SLC37A1: variants seen among roughly 807,000 people sequenced by gnomAD.
SLC37A1 encodes solute carrier family 37 member 1.
A neutral mutation model predicts 75.3 loss-of-function variants in SLC37A1; 49 were observed. The observed-to-expected ratio is 0.65, with a 90% CI of 0.52 to 0.83. The LOEUF (loss-of-function observed/expected upper bound fraction) is 0.83, where lower values mean the gene tolerates loss of function less well. Among genes scored for constraint, SLC37A1 ranks in the 40% least tolerant of loss-of-function variants. The pLI, the probability that SLC37A1 is intolerant of heterozygous loss-of-function variation, is 0.00. For missense variants in SLC37A1, 566 were observed against 695.0 expected (o/e 0.81, Z 2.09); for synonymous variants, 268 against 292.1 (o/e 0.92, Z 0.84).
At chr21:42,520,646 C>T (rs764463272) in intron 2 of SLC37A1, among the ~76,000 whole-genome samples, 2 of 151,454 alleles carry the variant, frequency 1.3e-5, no homozygotes, top group Admixed American at 6.6e-5. Flanking sequence ...TGTGTGTGTG[C>T]GTGTGTGTGG....
chr21:42,578,858 T>G (rs2056360071), intron 18 of SLC37A1, among the ~76,000 whole-genome samples: 1 of 152,140 alleles, frequency 6.6e-6, no homozygotes, highest in African/African-American at 2.4e-5. Context: ...GGCTTGGTGG[T>G]GGGGCCATGT....
chr21:42,560,924 C>T (rs1423338997), intron 11 of SLC37A1, among the ~76,000 whole-genome samples: 1 of 152,182 alleles, frequency 6.6e-6, no homozygotes, highest in Non-Finnish European at 1.5e-5. Flanking sequence ...CCTCCCCCTG[C>T]CACCGCCAGG....
chr21:42,559,105 CAGG>C lies in SLC37A1; in HGVS notation c.981+22_981+24del. 1 of 1,604,290 alleles carries C rather than the reference CAGG, an allele frequency of 6.2e-7. No homozygotes were observed. The highest frequency in any genetic ancestry group is 2.2e-5 in the East Asian group (1 of 44,688). ...GAAAATTCCAGTAAGTAAACGTGCCCAGGAGGAGTTTCAGAAAGGGCTGCTGTG... is the reference window on the plus strand; with the variant it reads ...GAAAATTCCAGTAAGTAAACGTGCCCAGGAGTTTCAGAAAGGGCTGCTGTG... On this transcript the variant is annotated intron_variant, in intron 11 of 19. Transcript: ENST00000352133.
At chr21:42,532,393 C>T (rs1210026005) in intron 3 of SLC37A1, among the ~76,000 whole-genome samples, 1 of 152,242 alleles carries the variant, frequency 6.6e-6, no homozygotes, top group East Asian at 1.9e-4. Context: ...TTCAGCTTCT[C>T]CCTGCACATG....
chr21:42,544,501 C>T (rs2055359105), intron 8 of SLC37A1, among the ~76,000 whole-genome samples: 1 of 152,204 alleles, frequency 6.6e-6, no homozygotes, highest in Non-Finnish European at 1.5e-5. Flanking sequence ...AGACTCTCAC[C>T]CCATGCTTCT....
In SLC37A1 at chr21:42,530,654, A is replaced by ACACCC. The variant is rs1161313598; in HGVS notation, c.139-4043_139-4042insACCCC. On this transcript the variant is annotated intron_variant, in intron 3 of 19. Coordinates refer to ENST00000352133, the MANE Select transcript of SLC37A1 (RefSeq NM_001320537.2). ...CACACACACACACACACACACACAC[A>ACACCC]CCCCCTCTGTGTTGGCTGAAGGTGG... Among the ~76,000 whole-genome samples, 78 of 35,890 alleles carry ACACCC rather than the reference A, an allele frequency of 2.2e-3. 2 individuals carry two copies. Among genetic ancestry groups the ACACCC allele is most frequent in the Middle Eastern group, 9.6e-3 (1 of 104 alleles). 23.5% of individuals were successfully genotyped at this position (35,890 alleles called of 152,430 possible).
At position 42,518,287 on chromosome 21, in the gene SLC37A1, C is replaced by A; in HGVS notation, c.-168C>A. 2.8e-6 allele frequency: 2 copies of A among 726,340 alleles called. No homozygotes were observed. The highest frequency in any genetic ancestry group is 4.7e-6 in the Non-Finnish European group (2 of 423,130). The allele number at this position is 726,340 out of a possible 1,614,324, so 45.0% of individuals were successfully genotyped here. On this transcript the variant is annotated 5_prime_UTR_variant, in exon 2 of 20. Transcript: ENST00000352133. ...TCCTCCTCCTTGTAGAGAGCAGAGC[C>A]ACTGCCAGAAGGAAGGGGACAAGAC...
chr21:42,559,178 A>G, intron 11 of SLC37A1, 89 bp downstream of exon 11: 2 of 1,500,196 alleles, frequency 1.3e-6, no homozygotes, highest in Non-Finnish European at 1.8e-6. Context: ...GCTTAAAAAG[A>G]CATCTGTGGT....
At chr21:42,565,940 A>G (rs2147002522) in intron 15 of SLC37A1, 65 bp downstream of exon 15, 2 of 1,509,614 alleles carry the variant, frequency 1.3e-6, no homozygotes, top group Middle Eastern at 1.7e-4. Context: ...AGCTGGCAAG[A>G]TGAAATACTA....
At chr21:42,534,116 C>A (rs1477247274) in intron 3 of SLC37A1, among the ~76,000 whole-genome samples, 2 of 152,174 alleles carry the variant, frequency 1.3e-5, no homozygotes, top group South Asian at 2.1e-4. Flanking sequence ...CCCACATTGT[C>A]CCCCTTTAGG....
chr21:42,534,917 C>A lies in SLC37A1; in HGVS notation c.271+87C>A, dbSNP rs180717118. 13 of 1,475,364 alleles carry A rather than the reference C, an allele frequency of 8.8e-6. No individual in the cohort carries two copies. In the Admixed American group the frequency reaches 2.0e-4, roughly 22 times the overall value. The allele number at this position is 1,475,364 out of a possible 1,614,324, so 91.4% of individuals were successfully genotyped here. A position where few individuals can be genotyped will look rare whatever the true frequency, so the allele number is the denominator to read the frequency against. The stretch of plus-strand genomic sequence containing the variant: ...TCACTTTAGCAGCAGTAATGCTGTT[C>A]CCAGATGTAACTGCATTTCCATGAC... On this transcript the variant is annotated intron_variant, in intron 4 of 19. Coordinates refer to ENST00000352133, the MANE Select transcript of SLC37A1 (RefSeq NM_001320537.2).
rs1356688362 is a variant in SLC37A1 at position 42,545,393 on chromosome 21, C to A, written c.731-1710C>A. Among the ~76,000 whole-genome samples the A allele has an allele frequency of 6.6e-6, 1 of 152,132 alleles. No individual in the cohort carries two copies. Among genetic ancestry groups the A allele is most frequent in the Non-Finnish European group, 1.5e-5 (1 of 68,022 alleles). On this transcript the variant is annotated intron_variant, in intron 8 of 19. Coordinates refer to ENST00000352133, the MANE Select transcript of SLC37A1 (RefSeq NM_001320537.2). The surrounding 1 kb of genome is among the most constrained non-coding windows in gnomAD (Gnocchi z 4.0). ...CAGATAGGGAGGAAACATCAAGTGC[C>A]CCTTGGTTTGTTTCTGCCCCTCCTT...
intron 9 of SLC37A1, among the ~76,000 whole-genome samples, chr21:42,549,043 G>C (rs2055492797): frequency 6.6e-6 from 1 of 152,240 alleles, no homozygotes; most frequent in Non-Finnish European, 1.5e-5. Context: ...AACTATGGTT[G>C]ATATTTTAAA....
At chr21:42,579,645 G>A in intron 18 of SLC37A1, 91 bp from the exon 19 acceptor site, 1 of 1,220,206 alleles carries the variant, frequency 8.2e-7, no homozygotes, top group Non-Finnish European at 1.1e-6. Flanking sequence ...ACCCGCCCAG[G>A]CCTTGCGGGC....
upstream of SLC37A1, among the ~76,000 whole-genome samples, chr21:42,510,885 A>G (rs183812020): frequency 1.2e-4 from 19 of 152,330 alleles, 4 homozygotes; most frequent in East Asian, 1.9e-4. Flanking sequence ...AGAAATAGCA[A>G]TACAGTAATA....
intron 6 of SLC37A1, among the ~76,000 whole-genome samples, chr21:42,541,748 T>C (rs1418517382): frequency 6.6e-6 from 1 of 152,146 alleles, no homozygotes; most frequent in African/African-American, 2.4e-5. Context: ...AGTTTGTATT[T>C]GTTTATTTTT....
chr21:42,564,647 T>C, intron 13 of SLC37A1, 61 bp from the exon 14 acceptor site: 16 of 1,378,908 alleles, frequency 1.2e-5, no homozygotes, highest in Non-Finnish European at 1.6e-5. Flanking sequence ...GCAGTTCTGC[T>C]TCCTCCCCGT....
chr21:42,532,591 G>A (rs908054473), intron 3 of SLC37A1, among the ~76,000 whole-genome samples: 2 of 152,200 alleles, frequency 1.3e-5, no homozygotes, highest in Admixed American at 6.5e-5. Flanking sequence ...TGTTCAACAA[G>A]GCGGCGGGTG....
intron 19 of SLC37A1, 105 bp from the exon 20 acceptor site, chr21:42,580,240 G>A: frequency 1.5e-6 from 2 of 1,341,128 alleles, no homozygotes; most frequent in East Asian, 2.4e-5. Flanking sequence ...GGCCGGGAGG[G>A]CAGCTGGCTC....
Sources: allele counts gnomAD v4.1 joint callset (sites outside exome capture counted in the v4.1 genomes callset), GRCh38; gene constraint gnomAD v4.1.1; non-coding constraint Gnocchi (gnomAD v3.1); transcripts MANE v1.5; gene names NCBI Gene and HGNC (gene_info 2026-07-23, HGNC 2026-07-21).